The following ESRRB variants were observed in gnomAD, a reference collection of about 807,000 sequenced individuals.
ESRRB encodes the protein steroid hormone receptor ERR2.
Under a neutral mutation model 46.0 loss-of-function variants are expected in ESRRB, and 16 were observed. The observed-to-expected ratio is 0.35, with a 90% CI of 0.24 to 0.53. The LOEUF (loss-of-function observed/expected upper bound fraction) is 0.53, where lower values mean the gene tolerates loss of function less well. Among genes scored for constraint, ESRRB ranks in the 20% least tolerant of loss-of-function variants. The probability of loss-of-function intolerance (pLI) is 0.93; values close to 1 mark genes in which losing one functional copy is unlikely to be tolerated. For missense variants in ESRRB, 488 were observed against 607.4 expected (o/e 0.80, Z 2.07); for synonymous variants, 246 against 259.6 (o/e 0.95, Z 0.50).
At chr14:76,379,183 A>G (rs1204478613) in intron 1 of ESRRB, among the ~76,000 whole-genome samples, 1 of 152,154 alleles carries the variant, frequency 6.6e-6, no homozygotes, top group Non-Finnish European at 1.5e-5. Context: ...CCTGTAGCCA[A>G]TCCTGTAGGT....
chr14:76,329,879 G>A (rs1380235830), intron 1 of ESRRB, among the ~76,000 whole-genome samples: 3 of 149,116 alleles, frequency 2.0e-5, no homozygotes, highest in African/African-American at 7.4e-5. Context: ...GTGCGGGGGG[G>A]ATAATTGTCT....
Position 76,358,348 on chromosome 14 carries a change from AAAGAAAGAAAGAAAGAAAGAAAGAAAG to A in ESRRB, c.2+47435_2+47461del, listed in dbSNP as rs1884417142. Among the ~76,000 whole-genome samples the A allele has an allele frequency of 4.2e-5, 2 of 47,548 alleles. 1 individual carries two copies. The highest frequency in any genetic ancestry group is 4.7e-4 in the Admixed American group (2 of 4,270). 31.2% of individuals were successfully genotyped at this position (47,548 alleles called of 152,430 possible). A position where few individuals can be genotyped will look rare whatever the true frequency, so the allele number is the denominator to read the frequency against. Reference sequence around the variant, plus strand: ...AAAAGAAAGAAAGAAAGAAAGAAAGAAAGAAAGAAAGAAAGAAAGAAAGAAAGAAAGAAAGAAAGAAAGAAAGAAAGA... The same window carrying A: ...AAAAGAAAGAAAGAAAGAAAGAAAGAAAAGAAAGAAAGAAAGAAAGAAAGA... On this transcript the variant is annotated intron_variant, in intron 1 of 6. Coordinates refer to the ESRRB transcript ENST00000512784.
intron 5 of ESRRB, among the ~76,000 whole-genome samples, chr14:76,486,935 G>A (rs1890044931): frequency 6.6e-6 from 1 of 152,250 alleles, no homozygotes; most frequent in Admixed American, 6.5e-5. Context: ...GAAGGGCAGG[G>A]AGGAGTGCCT....
intron 1 of ESRRB, among the ~76,000 whole-genome samples, chr14:76,417,880 C>T (rs568539370): frequency 1.2e-4 from 18 of 146,050 alleles, no homozygotes; most frequent in South Asian, 2.3e-4. Flanking sequence ...GACAGGTGGG[C>T]GGTGGGCCAA....
chr14:76,437,204 G>A (rs1477407234), intron 1 of ESRRB, among the ~76,000 whole-genome samples: 1 of 152,082 alleles, frequency 6.6e-6, no homozygotes, highest in Non-Finnish European at 1.5e-5. Flanking sequence ...GATAATTTTT[G>A]TATTTTTTGT....
chr14:76,395,648 C>T (rs546611850), intron 1 of ESRRB, among the ~76,000 whole-genome samples: 1 of 152,076 alleles, frequency 6.6e-6, no homozygotes, highest in Non-Finnish European at 1.5e-5. Context: ...TAAAATAATG[C>T]TTGCAAAATG....
At chr14:76,393,247 C>G (rs1441462253) in intron 1 of ESRRB, among the ~76,000 whole-genome samples, 1 of 152,108 alleles carries the variant, frequency 6.6e-6, no homozygotes, top group Non-Finnish European at 1.5e-5. Flanking sequence ...AGTTGGAAAC[C>G]TGATGGGCCC....
chr14:76,466,754 T>A (rs754386955), intron 3 of ESRRB, among the ~76,000 whole-genome samples: 3 of 151,602 alleles, frequency 2.0e-5, no homozygotes, highest in Non-Finnish European at 2.9e-5. Flanking sequence ...AAAAAAAGCC[T>A]CACTCTGTCG....
At chr14:76,313,801 G>T (rs894868131) in intron 1 of ESRRB, among the ~76,000 whole-genome samples, 1 of 151,848 alleles carries the variant, frequency 6.6e-6, no homozygotes, top group Non-Finnish European at 1.5e-5. Context: ...CACTCTTTCT[G>T]TCCCTCCTGC....
intron 2 of ESRRB, among the ~76,000 whole-genome samples, chr14:76,456,715 C>T (rs1220987692): frequency 1.3e-5 from 2 of 152,156 alleles, no homozygotes; most frequent in Non-Finnish European, 1.5e-5. Flanking sequence ...GACACATCAG[C>T]AGGCAGATAG....
At chr14:76,359,535 G>A (rs1017825532) in intron 1 of ESRRB, among the ~76,000 whole-genome samples, 1 of 152,192 alleles carries the variant, frequency 6.6e-6, no homozygotes, top group Admixed American at 6.5e-5. Context: ...AGAGAGTTGA[G>A]TAGAGTAGCT....
intron 1 of ESRRB, among the ~76,000 whole-genome samples, chr14:76,327,356 G>A (rs1883943334): frequency 6.6e-6 from 1 of 152,172 alleles, no homozygotes; most frequent in South Asian, 2.1e-4. Context: ...GAGTCCAAGG[G>A]GAAAATTGGA....
At chr14:76,380,747 G>A (rs1039025944) in intron 1 of ESRRB, among the ~76,000 whole-genome samples, 2 of 152,146 alleles carry the variant, frequency 1.3e-5, no homozygotes, top group African/African-American at 4.8e-5. Flanking sequence ...TTACTGGGGT[G>A]GGGAGCCCCA....
At chr14:76,387,326 G>T (rs1203131433) in intron 1 of ESRRB, among the ~76,000 whole-genome samples, 1 of 152,220 alleles carries the variant, frequency 6.6e-6, no homozygotes, top group Non-Finnish European at 1.5e-5. Context: ...CCCGGGTACG[G>T]GGAATGGAAG....
chr14:76,461,314 AG>A (rs1229196916), intron 2 of ESRRB, among the ~76,000 whole-genome samples: 1 of 152,072 alleles, frequency 6.6e-6, no homozygotes, highest in African/African-American at 2.4e-5. Flanking sequence ...TGCTATTGGG[AG>A]GGGAGGGACT....
chr14:76,453,804 G>C (rs1318682855), intron 2 of ESRRB, among the ~76,000 whole-genome samples: 1 of 151,936 alleles, frequency 6.6e-6, no homozygotes, highest in Non-Finnish European at 1.5e-5. Context: ...TAGAGATGGG[G>C]TTTCACCATG....
intron 1 of ESRRB, among the ~76,000 whole-genome samples, chr14:76,345,486 A>G (rs1375017537): frequency 2.0e-5 from 3 of 152,218 alleles, no homozygotes; most frequent in Non-Finnish European, 2.9e-5. Context: ...CAAAACCACA[A>G]TGCGATACTA....
In ESRRB at chr14:76,439,393, T is replaced by C. The variant is rs761439921; in HGVS notation, c.103T>C (p.Ser35Pro). 6.2e-7 allele frequency: 1 copy of C among 1,613,620 alleles called. No homozygotes were observed. The highest frequency in any genetic ancestry group is 1.1e-5 in the South Asian group (1 of 91,072). Residue 35 changes from serine to proline, a missense_variant, in exon 2 of 7, where the codon TCC becomes CCC. Physicochemically the swap from Ser to Pro is moderately conservative, Grantham distance 74. Coordinates refer to ENST00000644823, the MANE Select transcript of ESRRB (RefSeq NM_001379180.1). The stretch of plus-strand genomic sequence containing the variant: ...CAGGCACCTGGGCTCCAGCTGCGGC[T>C]CCTTCATCAAGACTGAGCCGTCCAG... Reference protein sequence around the residue: ...DDRHLGSSCGSFIKTEPSSPS... With the variant: ...DDRHLGSSCGPFIKTEPSSPS...
intron 3 of ESRRB, among the ~76,000 whole-genome samples, chr14:76,477,616 C>A (rs1249283003): frequency 2.0e-5 from 3 of 152,196 alleles, no homozygotes; most frequent in African/African-American, 7.2e-5. Context: ...CATTATCGAG[C>A]CCATGGGCTG....
Sources: gnomAD v4.1 joint callset for allele counts (sites outside exome capture counted in the v4.1 genomes callset) on GRCh38, gnomAD v4.1.1 for gene constraint, MANE v1.5 for transcripts, NCBI Gene and HGNC (gene_info 2026-07-23, HGNC 2026-07-21) for gene names.